CDH17: variants seen among roughly 807,000 people sequenced by gnomAD.
CDH17 encodes the protein cadherin-17.
A neutral mutation model predicts 86.3 loss-of-function variants in CDH17; 67 were observed. That is an observed-to-expected ratio of 0.78 (90% CI 0.64 to 0.95). The LOEUF (loss-of-function observed/expected upper bound fraction) is 0.95. Among genes scored for constraint, CDH17 ranks in the 40% least tolerant of loss-of-function variants. The pLI, the probability that CDH17 is intolerant of heterozygous loss-of-function variation, is 0.00. For missense variants in CDH17, 993 were observed against 1,017.6 expected (o/e 0.98, Z 0.33); for synonymous variants, 367 against 366.4 (o/e 1.00, Z -0.02).
At position 94,194,729 on chromosome 8, in the gene CDH17, A is replaced by G. The variant is rs370306528; in HGVS notation, c.-20-24T>C. 14 of 1,270,606 alleles carry G rather than the reference A, an allele frequency of 1.1e-5. No individual in the cohort carries two copies. The Admixed American group carries it at 1.7e-4, about 15-fold the overall frequency. The allele number at this position is 1,270,606 out of a possible 1,614,324, so 78.7% of individuals were successfully genotyped here. On this transcript the variant is annotated intron_variant, in intron 1 of 17. Transcript: ENST00000027335. Reference sequence around the variant, plus strand: ...TCCTGTGAAGGAACCAGATAAAAAAATGGTTAGTTACCAGTCTGTTAAAAT... The same window carrying G: ...TCCTGTGAAGGAACCAGATAAAAAAGTGGTTAGTTACCAGTCTGTTAAAAT...
chr8:94,163,743 G>A (rs946082896), intron 10 of CDH17, among the ~76,000 whole-genome samples: 7 of 152,180 alleles, frequency 4.6e-5, no homozygotes, highest in Admixed American at 3.3e-4. Flanking sequence ...TGATCCCAGG[G>A]ACAGAATCTA....
At position 94,170,989 on chromosome 8, in the gene CDH17, C is replaced by A. The variant is rs368447169; in HGVS notation, c.784-4G>T. The A allele has an allele frequency of 2.8e-5, 45 of 1,613,192 alleles. No individual in the cohort carries two copies. Among genetic ancestry groups the A allele is most frequent in the Non-Finnish European group, 3.7e-5 (44 of 1,179,642 alleles). On this transcript the variant is annotated splice_polypyrimidine_tract_variant and splice_region_variant and intron_variant, in intron 7 of 17. Coordinates refer to ENST00000027335, the MANE Select transcript of CDH17 (RefSeq NM_004063.4). The stretch of plus-strand genomic sequence containing the variant: ...CACCGGGATCATTCCACCGCACCTA[C>A]AGGGCCCAAAGTCAGTTGTGAGGAA...
chr8:94,198,703 C>G (rs878927765), intron 1 of CDH17, among the ~76,000 whole-genome samples: 1 of 152,304 alleles, frequency 6.6e-6, no homozygotes, highest in South Asian at 2.1e-4. Flanking sequence ...ACCCTGAGCT[C>G]TCTGGCAGCC....
At chr8:94,147,527 T>A (rs1239744679) in intron 14 of CDH17, among the ~76,000 whole-genome samples, 2 of 152,208 alleles carry the variant, frequency 1.3e-5, no homozygotes, top group Non-Finnish European at 2.9e-5. Flanking sequence ...AACATATTTA[T>A]TGAGTAATTT....
At chr8:94,176,788 G>A (rs374258610) in intron 4 of CDH17, 109 bp from the exon 5 acceptor site, 2 of 1,126,120 alleles carry the variant, frequency 1.8e-6, no homozygotes, top group South Asian at 1.6e-5. Flanking sequence ...CCTGGTGACT[G>A]TAGGAGAGAA....
rs748969604 is a variant in CDH17, at chr8:94,174,032, C to G, written c.584-36G>C. The G allele has an allele frequency of 3.2e-5, 51 of 1,610,150 alleles. 1 individual carries two copies. Among genetic ancestry groups the G allele is most frequent in the South Asian group, 5.5e-5 (5 of 90,954 alleles). Reference sequence around the variant, plus strand: ...TAGGGGAGAAGGGAATAGGAAGTGTCTCTGGAAGAGACAGACCAAACTCCC... The same window carrying G: ...TAGGGGAGAAGGGAATAGGAAGTGTGTCTGGAAGAGACAGACCAAACTCCC... On this transcript the variant is annotated intron_variant, in intron 6 of 17. Transcript: ENST00000027335.
At chr8:94,205,508 A>G (rs1814009176) in intron 1 of CDH17, among the ~76,000 whole-genome samples, 1 of 152,160 alleles carries the variant, frequency 6.6e-6, no homozygotes, top group South Asian at 2.1e-4. Flanking sequence ...TTCATTTGCA[A>G]AGTGACCCAA....
Position 94,128,314 on chromosome 8 carries a change from G to T in CDH17, c.2425C>A (p.Arg809Ser). The T allele has an allele frequency of 6.2e-7, 1 of 1,611,914 alleles. No homozygotes were observed. ...IGIILAVVFI[R>S]IKKDKGKDNV... ...TCTTTGCCTTTATCCTTCTTTATGC[G>T]GATAAACACAACTGCTAAAATTATA... The change falls in exon 18 of 18, where the codon CGC (arginine) becomes AGC (serine). Residue 809 changes from arginine to serine, a missense_variant. Physicochemically the swap from Arg to Ser is moderately radical, Grantham distance 110. Transcript: ENST00000027335.
rs547735743 is a variant in CDH17 at position 94,197,934 on chromosome 8, T to C, written c.-20-3229A>G. On this transcript the variant is annotated intron_variant, in intron 1 of 17. Coordinates refer to ENST00000027335, the MANE Select transcript of CDH17 (RefSeq NM_004063.4). Reference sequence around the variant, plus strand: ...TCTTCTCATTTTGTAGGTGAGAAAATTGAGGTTAAAAGTCAAGCAATTTGC... The same window carrying C: ...TCTTCTCATTTTGTAGGTGAGAAAACTGAGGTTAAAAGTCAAGCAATTTGC... Among the ~76,000 whole-genome samples the C allele has an allele frequency of 2.0e-5, 3 of 151,878 alleles. No homozygotes were observed. The East Asian group carries it at 5.8e-4, about 29-fold the overall frequency.
At chr8:94,189,919 A>C (rs943279183) in intron 2 of CDH17, among the ~76,000 whole-genome samples, 8 of 152,248 alleles carry the variant, frequency 5.3e-5, no homozygotes, top group Non-Finnish European at 1.0e-4. Context: ...GAAAAAAATA[A>C]AAGTACAAAA....
At chr8:94,129,754 C>T (rs1487019396) in intron 17 of CDH17, among the ~76,000 whole-genome samples, 1 of 152,094 alleles carries the variant, frequency 6.6e-6, no homozygotes, top group Non-Finnish European at 1.5e-5. Context: ...AACTTGATGT[C>T]ACAAGCATAA....
chr8:94,191,215 T>G (rs1447631346), intron 2 of CDH17, among the ~76,000 whole-genome samples: 1 of 152,108 alleles, frequency 6.6e-6, no homozygotes, highest in Non-Finnish European at 1.5e-5. Context: ...GCTGAGACAA[T>G]GTACCTTGTG....
At position 94,165,938 on chromosome 8, in the gene CDH17, C is replaced by A. The variant is rs1390706162; in HGVS notation, c.1105G>T (p.Glu369Ter). The A allele has an allele frequency of 1.2e-6, 2 of 1,613,740 alleles. No individual in the cohort carries two copies. The highest frequency in any genetic ancestry group is 2.7e-5 in the African/African-American group (2 of 74,900). ...IGTLTAHDRD[E>*]ENTANSFLNY... Reference sequence around the variant, plus strand: ...AGAAAACTGTTGGCAGTATTTTCTTCATCCCTGTCATGTGCAGTAAGGGTC... The same window carrying A: ...AGAAAACTGTTGGCAGTATTTTCTTAATCCCTGTCATGTGCAGTAAGGGTC... The change falls in exon 10 of 18, where the codon GAA (glutamate) becomes TAA (stop). Residue 369 changes from glutamate (E) to a stop codon, truncating the protein, a stop_gained. Transcript: ENST00000027335. LOFTEE classifies it high-confidence loss of function.
chr8:94,206,772 G>T (rs576720089), intron 1 of CDH17, among the ~76,000 whole-genome samples: 110 of 151,388 alleles, frequency 7.3e-4, no homozygotes, highest in Middle Eastern at 3.4e-3. Context: ...CTCCCAAGTC[G>T]CTAGGACTAT....
intron 13 of CDH17, among the ~76,000 whole-genome samples, chr8:94,151,319 T>C (rs925080257): frequency 6.6e-6 from 1 of 152,210 alleles, no homozygotes; most frequent in Non-Finnish European, 1.5e-5. Flanking sequence ...GATGGAAATA[T>C]TTACACATTT....
intron 2 of CDH17, among the ~76,000 whole-genome samples, chr8:94,190,270 C>A (rs1813661720): frequency 6.6e-6 from 1 of 152,248 alleles, no homozygotes; most frequent in South Asian, 2.1e-4. Context: ...AGCCTCTATG[C>A]ACCAGCACCC....
chr8:94,161,490 C>T (rs1013278034), intron 11 of CDH17, among the ~76,000 whole-genome samples: 1 of 152,216 alleles, frequency 6.6e-6, no homozygotes, highest in African/African-American at 2.4e-5. Context: ...ATAAAGTCAT[C>T]ACCAAGTCTG....
intron 15 of CDH17, among the ~76,000 whole-genome samples, chr8:94,131,213 T>C (rs1429722732): frequency 2.0e-5 from 3 of 152,318 alleles, no homozygotes; most frequent in Admixed American, 1.3e-4. Context: ...TCTGTAGAAA[T>C]TTATACTAAA....
At chr8:94,138,207 A>T (rs1361880797) in intron 15 of CDH17, among the ~76,000 whole-genome samples, 1 of 152,214 alleles carries the variant, frequency 6.6e-6, no homozygotes. Context: ...ATTTGGGAAG[A>T]TTTAAATATG....
Sources: gnomAD v4.1 joint callset for allele counts (sites outside exome capture counted in the v4.1 genomes callset) on GRCh38, gnomAD v4.1.1 for gene constraint, MANE v1.5 for transcripts, NCBI Gene and HGNC (gene_info 2026-07-23, HGNC 2026-07-21) for gene names.